GPR26: variants seen among roughly 807,000 people sequenced by gnomAD.
GPR26 encodes G protein-coupled receptor 26.
In GPR26, 15 loss-of-function variants were observed where a neutral mutation model predicts 23.1. The observed-to-expected ratio is 0.65, with a 90% CI of 0.43 to 1.00. The LOEUF (loss-of-function observed/expected upper bound fraction) is 1.00. Among genes scored for constraint, GPR26 ranks in the 50% least tolerant of loss-of-function variants. GPR26 has a pLI of 0.00. For missense variants in GPR26, 359 were observed against 470.5 expected, an observed-to-expected ratio of 0.76 and a Z score of 2.19; for synonymous variants, 228 against 222.1, an observed-to-expected ratio of 1.03 and a Z score of -0.24.
rs12263344 is a variant in GPR26, at chr10:123,666,896, A to G, written c.489A>G (p.Pro163=). The change falls in exon 1 of 3, where the codon CCA becomes CCG. Residue 163 remains proline, a synonymous_variant. Transcript: ENST00000284674. ...CGTGCACGCTGTGCAGCCGGCGGCCAGACGAGCGCCTGCGCTTCGCCGTCT... is the reference window on the plus strand; with the variant it reads ...CGTGCACGCTGTGCAGCCGGCGGCCGGACGAGCGCCTGCGCTTCGCCGTCT... The part of the protein sequence containing the change: ...YASCTLCSRR[P]DERLRFAVFT... 0.62 allele frequency: 997,066 copies of G among 1,611,788 alleles called. 311,500 individuals carry two copies. Among genetic ancestry groups the G allele is most frequent in the Non-Finnish European group, 0.64 (756,333 of 1,179,356 alleles).
chr10:123,666,553 C>G lies in GPR26; in HGVS notation c.146C>G (p.Thr49Arg). ...QAPALFTLNLTCGNLLCTVVN... is the reference protein window; with the variant it reads ...QAPALFTLNLRCGNLLCTVVN... The stretch of plus-strand genomic sequence containing the variant: ...CCGGCGCTCTTCACCCTGAACCTCA[C>G]GTGCGGGAACCTGCTGTGCACCGTG... Residue 49 changes from threonine to arginine, a missense_variant, in exon 1 of 3, where the codon ACG becomes AGG. By Grantham distance (71) the Thr-to-Arg change is moderately conservative (BLOSUM62 -1). Coordinates refer to ENST00000284674, the MANE Select transcript of GPR26 (RefSeq NM_153442.4). The G allele has an allele frequency of 2.5e-6, 4 of 1,596,520 alleles. No homozygotes were observed.
At chr10:123,676,143 A>T (rs1845308194) in intron 2 of GPR26, among the ~76,000 whole-genome samples, 1 of 152,058 alleles carries the variant, frequency 6.6e-6, no homozygotes, top group Non-Finnish European at 1.5e-5. Flanking sequence ...GATTGCAGAC[A>T]CTGGGTCTGA....
chr10:123,666,892 G>A lies in GPR26; in HGVS notation c.485G>A (p.Arg162Gln), dbSNP rs1360457952. The A allele has an allele frequency of 1.2e-6, 2 of 1,612,290 alleles. No homozygotes were observed. The highest frequency in any genetic ancestry group is 1.3e-5 in the African/African-American group (1 of 75,042). The change falls in exon 1 of 3, where the codon CGG becomes CAG. Residue 162 changes from arginine (R) to glutamine (Q), a missense_variant. Physicochemically the swap from Arg to Gln is conservative, Grantham distance 43. Coordinates refer to ENST00000284674, the MANE Select transcript of GPR26 (RefSeq NM_153442.4). Reference protein sequence around the residue: ...LYASCTLCSRRPDERLRFAVF... With the variant: ...LYASCTLCSRQPDERLRFAVF... ...GCCTCGTGCACGCTGTGCAGCCGGC[G>A]GCCAGACGAGCGCCTGCGCTTCGCC...
chr10:123,673,088 AT>A (rs1845268403), intron 1 of GPR26, among the ~76,000 whole-genome samples: 1 of 152,222 alleles, frequency 6.6e-6, no homozygotes, highest in Non-Finnish European at 1.5e-5. Flanking sequence ...AATTAGTAAT[AT>A]TAGTCATGAG....
chr10:123,685,272 G>A (rs1564733074), intron 2 of GPR26, among the ~76,000 whole-genome samples: 1 of 152,216 alleles, frequency 6.6e-6, no homozygotes, highest in Non-Finnish European at 1.5e-5. Context: ...TCATCTGGAA[G>A]GGATCTGGTG....
chr10:123,684,449 G>GGTTTGCTA (rs1168322060), intron 2 of GPR26, among the ~76,000 whole-genome samples: 3 of 152,130 alleles, frequency 2.0e-5, no homozygotes, highest in African/African-American at 7.2e-5. Context: ...GTGGCATCTT[G>GGTTTGCTA]GTTTGCTAGG....
In GPR26 at chr10:123,674,753, T is replaced by C; in HGVS notation, c.669-65T>C. The C allele has an allele frequency of 9.9e-7, 1 of 1,009,744 alleles. No individual in the cohort carries two copies. The highest frequency in any genetic ancestry group is 1.5e-6 in the Non-Finnish European group (1 of 650,010). 62.5% of individuals were successfully genotyped at this position (1,009,744 alleles called of 1,614,324 possible). ...AGAGACTGCTGCCTGTGTTAGTAAA[T>C]AGTGCCTCATCCTGACCTAGCAAGG... On this transcript the variant is annotated intron_variant, in intron 1 of 2. Transcript: ENST00000284674. This position sits in a 1 kb window ranked among gnomAD's most constrained non-coding sequence, Gnocchi z 4.1.
In GPR26 at chr10:123,666,531, G is replaced by T; in HGVS notation, c.124G>T (p.Ala42Ser). The T allele has an allele frequency of 6.3e-7, 1 of 1,588,246 alleles. No individual in the cohort carries two copies. The highest frequency in any genetic ancestry group is 8.5e-7 in the Non-Finnish European group (1 of 1,170,420). ...CGCGGACATCCGCCGCCAGGCGCCG[G>T]CGCTCTTCACCCTGAACCTCACGTG... Reference protein sequence around the residue: ...HSADIRRQAPALFTLNLTCGN... With the variant: ...HSADIRRQAPSLFTLNLTCGN... Residue 42 changes from alanine (A) to serine (S), a missense_variant, in exon 1 of 3, where the codon GCG (alanine) becomes TCG (serine). By Grantham distance (99) the Ala-to-Ser change is moderately conservative. Transcript: ENST00000284674.
At position 123,693,240 on chromosome 10, in the gene GPR26, A is replaced by G. The variant is rs934884687; in HGVS notation, c.*5080A>G. 2.6e-5 allele frequency: 4 copies of G among 152,208 alleles called. No homozygotes were observed. The highest frequency in any genetic ancestry group is 7.2e-5 in the African/African-American group (3 of 41,458). 9.4% of individuals were successfully genotyped at this position (152,208 alleles called of 1,614,324 possible). ...TTGCAGCAACCTCTGTGCCCAGAAC[A>G]TACGGCTCACAAGTCCTTTGTGCCG... On this transcript the variant is annotated 3_prime_UTR_variant, in exon 3 of 3. Transcript: ENST00000284674.
At chr10:123,675,819 C>CGTGTGTGTGTGT (rs1176442924) in intron 2 of GPR26, among the ~76,000 whole-genome samples, 50 of 16,684 alleles carry the variant, frequency 3.0e-3, no homozygotes, top group African/African-American at 4.5e-3. Context: ...TGTGTGTGTA[C>CGTGTGTGTGTGT]GTGTGTGTGT....
In GPR26 at chr10:123,695,735, G is replaced by T. The variant is rs1845536911; in HGVS notation, c.*7575G>T. ...TCAACTCATGTATTACCAAATCTTT[G>T]CTTGAATTATTAATAGTAACCAAAC... On this transcript the variant is annotated 3_prime_UTR_variant, in exon 3 of 3. Transcript: ENST00000284674. 1.3e-5 allele frequency among the ~76,000 whole-genome samples: 2 copies of T among 152,118 alleles called. No homozygotes were observed. Among genetic ancestry groups the T allele is most frequent in the South Asian group, 4.1e-4 (2 of 4,828 alleles).
chr10:123,674,761 C>A lies in GPR26; in HGVS notation c.669-57C>A, dbSNP rs960670439. On this transcript the variant is annotated intron_variant, in intron 1 of 2. Transcript: ENST00000284674. The surrounding 1 kb of genome is among the most constrained non-coding windows in gnomAD (Gnocchi z 4.1). ...CTGCCTGTGTTAGTAAATAGTGCCTCATCCTGACCTAGCAAGGGTGCCTCG... is the reference window on the plus strand; with the variant it reads ...CTGCCTGTGTTAGTAAATAGTGCCTAATCCTGACCTAGCAAGGGTGCCTCG... 2.6e-6 allele frequency: 3 copies of A among 1,135,684 alleles called. No individual in the cohort carries two copies. Among genetic ancestry groups the A allele is most frequent in the Non-Finnish European group, 4.0e-6 (3 of 757,962 alleles). 70.4% of individuals were successfully genotyped at this position (1,135,684 alleles called of 1,614,324 possible). A position where few individuals can be genotyped will look rare whatever the true frequency, so the allele number is the denominator to read the frequency against.
At chr10:123,686,378 G>A (rs1316109817) in intron 2 of GPR26, among the ~76,000 whole-genome samples, 2 of 152,160 alleles carry the variant, frequency 1.3e-5, no homozygotes, top group Non-Finnish European at 2.9e-5. Context: ...GATTTCCTAA[G>A]TGTTCACAGC....
At chr10:123,667,577 G>A (rs1003931005) in intron 1 of GPR26, among the ~76,000 whole-genome samples, 3 of 150,252 alleles carry the variant, frequency 2.0e-5, no homozygotes, top group African/African-American at 7.4e-5. Context: ...GTGTGTGTGT[G>A]TGTGTGTGTG....
At chr10:123,676,229 A>G (rs1041014572) in intron 2 of GPR26, among the ~76,000 whole-genome samples, 3 of 151,964 alleles carry the variant, frequency 2.0e-5, no homozygotes, top group Non-Finnish European at 2.9e-5. Flanking sequence ...CTTCTGTGGC[A>G]TGCTGCTTTC....
At chr10:123,683,955 G>GC (rs1845405566) in intron 2 of GPR26, among the ~76,000 whole-genome samples, 1 of 152,140 alleles carries the variant, frequency 6.6e-6, no homozygotes, top group African/African-American at 2.4e-5. Context: ...TTCCATAGGG[G>GC]CTGGGCTCTT....
At chr10:123,669,871 G>GAAGCAGTTTGGAGTTTCT (rs1589923114) in intron 1 of GPR26, among the ~76,000 whole-genome samples, 1 of 152,208 alleles carries the variant, frequency 6.6e-6, no homozygotes, top group South Asian at 2.1e-4. Context: ...TTACGTTTCT[G>GAAGCAGTTTGGAGTTTCT]AAGCAGTTTG....
chr10:123,685,248 C>T (rs1293289257), intron 2 of GPR26, among the ~76,000 whole-genome samples: 1 of 152,194 alleles, frequency 6.6e-6, no homozygotes, highest in African/African-American at 2.4e-5. Context: ...ACTGAATTGT[C>T]CCTCTCTAAA....
At chr10:123,684,063 C>A (rs1395425810) in intron 2 of GPR26, among the ~76,000 whole-genome samples, 1 of 152,202 alleles carries the variant, frequency 6.6e-6, no homozygotes, top group Non-Finnish European at 1.5e-5. Context: ...GGGTGTGGAC[C>A]TAACCCCAGG....
Sources: allele counts gnomAD v4.1 joint callset (sites outside exome capture counted in the v4.1 genomes callset), GRCh38; gene constraint gnomAD v4.1.1; non-coding constraint Gnocchi (gnomAD v3.1); transcripts MANE v1.5; gene names NCBI Gene and HGNC (gene_info 2026-07-23, HGNC 2026-07-21).